Variants in DET1 observed in about 807,000 individuals in gnomAD.
The protein encoded by DET1 is DET1 partner of COP1 E3 ubiquitin ligase, also known as DET1 homolog.
A neutral mutation model predicts 43.7 loss-of-function variants in DET1; 22 were observed. The ratio of observed to expected loss-of-function variants is 0.50; its 90% CI spans 0.36 to 0.72. DET1 has a LOEUF of 0.72. Among genes scored for constraint, DET1 ranks in the 30% least tolerant of loss-of-function variants. The pLI is 0.00. For missense variants in DET1, 713 were observed against 713.3 expected, an observed-to-expected ratio of 1.00 and a Z score of 0.00; for synonymous variants, 315 against 266.2, an observed-to-expected ratio of 1.18 and a Z score of -1.79.
chr15:88,511,328 C>T (rs1882521114), downstream of DET1: 1 of 876,904 alleles, frequency 1.1e-6, no homozygotes, highest in South Asian at 5.3e-5. Flanking sequence ...CCCTAGCAAC[C>T]TGCACAAGAC....
chr15:88,528,091 G>A (rs933068082), intron 2 of DET1, among the ~76,000 whole-genome samples: 2 of 152,160 alleles, frequency 1.3e-5, no homozygotes, highest in Admixed American at 6.5e-5. Flanking sequence ...GTATAAAAAG[G>A]TTTTAAATTT....
intron 3 of DET1, among the ~76,000 whole-genome samples, chr15:88,524,797 G>C (rs1294872572): frequency 1.3e-5 from 2 of 151,980 alleles, no homozygotes; most frequent in Non-Finnish European, 2.9e-5. Context: ...AAGTACCCAG[G>C]GACACAAACA....
chr15:88,541,578 T>G (rs1003976834), intron 1 of DET1, among the ~76,000 whole-genome samples: 1 of 152,188 alleles, frequency 6.6e-6, no homozygotes, highest in Non-Finnish European at 1.5e-5. Context: ...CCGGACACTC[T>G]GTGAAGTAGA....
downstream of DET1, among the ~76,000 whole-genome samples, chr15:88,508,996 G>T (rs1250176189): frequency 6.6e-6 from 1 of 152,216 alleles, no homozygotes; most frequent in South Asian, 2.1e-4. Flanking sequence ...AGGTAGAGGG[G>T]CTTGCCTTTT....
intron 1 of DET1, among the ~76,000 whole-genome samples, chr15:88,537,062 A>G (rs1403059878): frequency 6.6e-6 from 1 of 152,204 alleles, no homozygotes; most frequent in Non-Finnish European, 1.5e-5. Flanking sequence ...TATAATACCC[A>G]GTCAAGTTAA....
At chr15:88,515,538 TATAAAAAAAAAAAAAAA>T (rs1207432655) in intron 4 of DET1, among the ~76,000 whole-genome samples, 3 of 47,466 alleles carry the variant, frequency 6.3e-5, no homozygotes, top group African/African-American at 2.9e-4. Flanking sequence ...GACTCCGTCT[TATAAAAAAAAAAAAAAA>T]AAAAAAAAAA....
In DET1 at chr15:88,533,852, T is replaced by TAAAAAAAAAAAAAAA. The variant is rs368408722; in HGVS notation, c.-10-2152_-10-2138dup. ...GGGCAACAGAGCAAGACCCAATCTC[T>TAAAAAAAAAAAAAAA]AAAAAAAAAAAAAAAAAAAAAAAAT... On this transcript the variant is annotated intron_variant, in intron 1 of 4. Transcript: ENST00000268148. Among the ~76,000 whole-genome samples, 89 of 39,202 alleles carry TAAAAAAAAAAAAAAA rather than the reference T, an allele frequency of 2.3e-3. 2 individuals carry two copies. Among genetic ancestry groups the TAAAAAAAAAAAAAAA allele is most frequent in the African/African-American group, 6.2e-3 (87 of 13,932 alleles). The allele number at this position is 39,202 out of a possible 152,430, so 25.7% of individuals were successfully genotyped here. A position where few individuals can be genotyped will look rare whatever the true frequency, so the allele number is the denominator to read the frequency against.
At chr15:88,528,711 A>G (rs890037976) in intron 2 of DET1, among the ~76,000 whole-genome samples, 3 of 152,234 alleles carry the variant, frequency 2.0e-5, no homozygotes, top group Non-Finnish European at 4.4e-5. Context: ...ACAGGACTCT[A>G]GAAGTTCTCA....
chr15:88,543,807 ACTCAC>A (rs1424534212), intron 1 of DET1, among the ~76,000 whole-genome samples: 2 of 152,114 alleles, frequency 1.3e-5, no homozygotes, highest in African/African-American at 4.8e-5. Context: ...AGCGTGGGCT[ACTCAC>A]CTCAGCAGGA....
intron 1 of DET1, among the ~76,000 whole-genome samples, chr15:88,533,201 C>T (rs2056861218): frequency 6.6e-6 from 1 of 152,160 alleles, no homozygotes; most frequent in African/African-American, 2.4e-5. Flanking sequence ...CATCACTAAT[C>T]ATCAGAGAAA....
At chr15:88,545,581 A>T (rs564566526) in intron 1 of DET1, among the ~76,000 whole-genome samples, 1 of 152,296 alleles carries the variant, frequency 6.6e-6, no homozygotes, top group South Asian at 2.1e-4. Context: ...ATTAAGTTTA[A>T]TTTTTAGGCC....
chr15:88,532,331 A>G (rs1193107137), intron 1 of DET1, among the ~76,000 whole-genome samples: 1 of 152,108 alleles, frequency 6.6e-6, no homozygotes, highest in Non-Finnish European at 1.5e-5. Flanking sequence ...ATCATATTCA[A>G]TGTGCATTCA....
intron 1 of DET1, among the ~76,000 whole-genome samples, chr15:88,537,700 A>G (rs1437148952): frequency 6.6e-6 from 1 of 152,184 alleles, no homozygotes; most frequent in Non-Finnish European, 1.5e-5. Context: ...ACAGTGTTTG[A>G]CACATGGTAA....
intron 1 of DET1, among the ~76,000 whole-genome samples, chr15:88,534,223 C>A (rs560910965): frequency 2.6e-5 from 4 of 152,076 alleles, no homozygotes; most frequent in Non-Finnish European, 5.9e-5. Context: ...AAATCACAGG[C>A]CATAAAAGTC....
intron 4 of DET1, among the ~76,000 whole-genome samples, chr15:88,515,567 A>AAAAAAAAC: frequency 6.7e-6 from 1 of 149,728 alleles, no homozygotes; most frequent in African/African-American, 2.5e-5. Flanking sequence ...AAAAAAAAAA[A>AAAAAAAAC]AGACCGAAGG....
intron 1 of DET1, among the ~76,000 whole-genome samples, chr15:88,534,046 T>C (rs1217803202): frequency 2.0e-5 from 3 of 152,108 alleles, no homozygotes; most frequent in African/African-American, 7.2e-5. Context: ...AATTTCACAA[T>C]GTGAATATAC....
chr15:88,514,240 T>C (rs1284195901), intron 4 of DET1, among the ~76,000 whole-genome samples: 1 of 151,626 alleles, frequency 6.6e-6, no homozygotes. Flanking sequence ...GCAAAATAAA[T>C]GTCCTGTGGT....
Position 88,513,018 on chromosome 15 carries a change from G to A in DET1, c.1586C>T (p.Ala529Val), listed in dbSNP as rs1435641123. ...AFTFHPFEPF[A>V]ISVQRTNAEY... The stretch of plus-strand genomic sequence containing the variant: ...AGCATTAGTCCTCTGCACAGAAATA[G>A]CGAAAGGCTCAAAAGGGTGAAAGGT... Residue 529 changes from alanine to valine, a missense_variant, in exon 5 of 5, where the codon GCT becomes GTT. Physicochemically the swap from Ala to Val is moderately conservative, Grantham distance 64. Coordinates refer to ENST00000268148, the MANE Select transcript of DET1 (RefSeq NM_001144074.3). 1 of 1,614,074 alleles carries A rather than the reference G, an allele frequency of 6.2e-7. No homozygotes were observed. Among genetic ancestry groups the A allele is most frequent in the Middle Eastern group, 1.6e-4 (1 of 6,062 alleles).
At chr15:88,532,978 C>T (rs1175571332) in intron 1 of DET1, among the ~76,000 whole-genome samples, 1 of 152,070 alleles carries the variant, frequency 6.6e-6, no homozygotes, top group Non-Finnish European at 1.5e-5. Context: ...GATCAAAGGA[C>T]ACAATCAACC....
Sources: gnomAD v4.1 joint callset for allele counts (sites outside exome capture counted in the v4.1 genomes callset) on GRCh38, gnomAD v4.1.1 for gene constraint, MANE v1.5 for transcripts, NCBI Gene and HGNC (gene_info 2026-07-23, HGNC 2026-07-21) for gene names.